EXOC2: variants seen among roughly 807,000 people sequenced by gnomAD.
EXOC2 encodes SEC5-like 1.
In EXOC2, 70 loss-of-function variants were observed where a neutral mutation model predicts 131.8. That is an observed-to-expected ratio of 0.53 (90% CI 0.44 to 0.65). EXOC2 has a LOEUF of 0.65. Among genes scored for constraint, EXOC2 ranks in the 30% least tolerant of loss-of-function variants. The pLI is 0.00. For synonymous variants in EXOC2, 411 were observed against 398.4 expected, an observed-to-expected ratio of 1.03 and a Z score of -0.38; for missense variants, 923 against 1,108.6, an observed-to-expected ratio of 0.83 and a Z score of 2.38.
chr6:492,521 G>A lies in EXOC2; in HGVS notation c.2560-1335C>T, dbSNP rs1328257923. Among the ~76,000 whole-genome samples the A allele has an allele frequency of 2.0e-5, 3 of 152,160 alleles. No individual in the cohort carries two copies. The South Asian group carries it at 6.2e-4, about 32-fold the overall frequency. ...AAACCACAAATGCCCATCAGCTGAT[G>A]AATGGATAAATAAAATGTGGCATAT... On this transcript the variant is annotated intron_variant, in intron 25 of 27. Coordinates refer to ENST00000230449, the MANE Select transcript of EXOC2 (RefSeq NM_018303.6).
At chr6:558,108 T>C (rs1304750196) in intron 17 of EXOC2, among the ~76,000 whole-genome samples, 1 of 152,178 alleles carries the variant, frequency 6.6e-6, no homozygotes, top group East Asian at 1.9e-4. Context: ...ACACATGCAT[T>C]AATTTTTAAA....
intron 10 of EXOC2, among the ~76,000 whole-genome samples, chr6:593,467 G>A (rs767343576): frequency 2.0e-5 from 3 of 152,092 alleles, no homozygotes; most frequent in South Asian, 2.1e-4. Context: ...AGTATAGTTC[G>A]GTGTTTTTCT....
chr6:572,413 A>C, intron 13 of EXOC2, 107 bp downstream of exon 13: 83 of 1,338,804 alleles, frequency 6.2e-5, no homozygotes, highest in Middle Eastern at 4.2e-4. Context: ...GACGATGGCT[A>C]GAGATGTTGG....
At chr6:489,736 T>C (rs2127465778) in intron 26 of EXOC2, among the ~76,000 whole-genome samples, 1 of 152,338 alleles carries the variant, frequency 6.6e-6, no homozygotes, top group Middle Eastern at 3.4e-3. Flanking sequence ...ATCTCTCTTA[T>C]GATTGGTTAA....
chr6:619,860 A>C (rs1400917050), intron 4 of EXOC2, among the ~76,000 whole-genome samples: 2 of 152,042 alleles, frequency 1.3e-5, no homozygotes, highest in African/African-American at 4.8e-5. Flanking sequence ...GTTTTATTAA[A>C]CCTATCAAAA....
chr6:489,633 A>C (rs963077108), intron 26 of EXOC2, among the ~76,000 whole-genome samples: 1 of 152,236 alleles, frequency 6.6e-6, no homozygotes, highest in Non-Finnish European at 1.5e-5. Context: ...TTACAAGGAG[A>C]AAGTATTAGA....
intron 2 of EXOC2, 80 bp from the exon 3 acceptor site, chr6:633,197 A>G: frequency 1.4e-6 from 2 of 1,452,396 alleles, no homozygotes; most frequent in Non-Finnish European, 1.9e-6. Flanking sequence ...CATTTTTTAA[A>G]TCTAGTCTTG....
chr6:630,072 T>C (rs978507735), intron 3 of EXOC2, 111 bp from the exon 4 acceptor site: 1 of 1,307,068 alleles, frequency 7.7e-7, no homozygotes, highest in Non-Finnish European at 1.0e-6. Context: ...GCCTGTTGGA[T>C]AATCTTTAAG....
At chr6:573,985 C>A (rs1758436910) in intron 12 of EXOC2, among the ~76,000 whole-genome samples, 1 of 152,202 alleles carries the variant, frequency 6.6e-6, no homozygotes, top group East Asian at 1.9e-4. Context: ...CAAACACACT[C>A]TTTTGAAGCT....
At chr6:646,024 G>A (rs914901910) in intron 1 of EXOC2, among the ~76,000 whole-genome samples, 2 of 152,138 alleles carry the variant, frequency 1.3e-5, no homozygotes, top group African/African-American at 2.4e-5. Context: ...GTTATTTTAT[G>A]GAATGCCTAT....
chr6:558,011 G>T (rs1174139003), intron 17 of EXOC2, among the ~76,000 whole-genome samples: 1 of 152,074 alleles, frequency 6.6e-6, no homozygotes, highest in Non-Finnish European at 1.5e-5. Context: ...AGGCGGCCGG[G>T]CTTCATCCGG....
At chr6:570,065 G>C (rs571714669) in intron 13 of EXOC2, among the ~76,000 whole-genome samples, 2 of 152,060 alleles carry the variant, frequency 1.3e-5, no homozygotes, top group African/African-American at 4.8e-5. Context: ...TGATGCAAAT[G>C]AGGGAAAAAC....
At chr6:521,061 G>C (rs62388782) in intron 23 of EXOC2, among the ~76,000 whole-genome samples, 6,573 of 15,470 alleles carry the variant, frequency 0.42, 1,276 homozygotes, top group Non-Finnish European at 0.53. Flanking sequence ...CACACTCGGA[G>C]AGGAAAACCA....
chr6:558,821 A>G (rs61385371), intron 17 of EXOC2, among the ~76,000 whole-genome samples: 7 of 151,602 alleles, frequency 4.6e-5, no homozygotes, highest in Admixed American at 1.3e-4. Context: ...CAAAAAAATT[A>G]AAAATTAAAA....
rs147083849 is a variant in EXOC2 at position 656,898 on chromosome 6, A to C, written c.-43-19037T>G. On this transcript the variant is annotated intron_variant, in intron 1 of 27. Transcript: ENST00000230449. ...CGCGACGGTGCCGCTGACGTGAATG[A>C]ACAGCTCTAGACAGCCTTTGCCGGT... The C allele has an allele frequency of 2.9e-5, 46 of 1,593,896 alleles. 1 individual carries two copies. In the Middle Eastern group the frequency reaches 5.0e-4, roughly 17 times the overall value.
In EXOC2 at chr6:639,618, C is replaced by T. The variant is rs796548138; in HGVS notation, c.-43-1757G>A. On this transcript the variant is annotated intron_variant, in intron 1 of 27. Coordinates refer to ENST00000230449, the MANE Select transcript of EXOC2 (RefSeq NM_018303.6). ...AAAATAAGACCCAAAGATCCTGACA[C>T]CTGAGTGTCTTCCCTGCAAAAAGGG... Among the ~76,000 whole-genome samples, 14 of 152,316 alleles carry T rather than the reference C, an allele frequency of 9.2e-5. 1 individual carries two copies. The highest frequency in any genetic ancestry group is 3.4e-4 in the African/African-American group (14 of 41,568).
At chr6:523,122 T>G (rs575707492) in intron 23 of EXOC2, among the ~76,000 whole-genome samples, 7 of 152,248 alleles carry the variant, frequency 4.6e-5, no homozygotes, top group Admixed American at 4.6e-4. Flanking sequence ...CTAAATCTGA[T>G]AGGTAAGATA....
intron 1 of EXOC2, among the ~76,000 whole-genome samples, chr6:692,152 C>A (rs1429301544): frequency 6.6e-6 from 1 of 152,180 alleles, no homozygotes; most frequent in African/African-American, 2.4e-5. Flanking sequence ...GTGTGGCTAA[C>A]TTAGAAAAAA....
chr6:494,119 C>T (rs1464137093), intron 25 of EXOC2, among the ~76,000 whole-genome samples: 5 of 152,160 alleles, frequency 3.3e-5, no homozygotes, highest in Admixed American at 1.3e-4. Flanking sequence ...TCAACTTAAA[C>T]GATAATATCA....
Sources: allele counts gnomAD v4.1 joint callset (sites outside exome capture counted in the v4.1 genomes callset), GRCh38; gene constraint gnomAD v4.1.1; transcripts MANE v1.5; gene names NCBI Gene and HGNC (gene_info 2026-07-23, HGNC 2026-07-21).